The following FREM2 variants were observed in gnomAD, a reference collection of about 807,000 sequenced individuals.
FREM2 encodes FRAS1-related extracellular matrix protein 2.
A neutral mutation model predicts 219.9 loss-of-function variants in FREM2; 119 were observed. The observed-to-expected ratio is 0.54, with a 90% confidence interval of 0.47 to 0.63. FREM2 has a LOEUF of 0.63. Ranked by LOEUF, FREM2 falls within the 30% of genes least tolerant of loss-of-function variation. FREM2 has a pLI of 0.00. For synonymous variants in FREM2, 1,562 were observed against 1,522.8 expected, an observed-to-expected ratio of 1.03 and a Z score of -0.60; for missense variants, 4,030 against 3,993.6, an observed-to-expected ratio of 1.01 and a Z score of -0.25.
chr13:38,747,034 C>T (rs1352246360), intron 2 of FREM2, among the ~76,000 whole-genome samples: 4 of 152,106 alleles, frequency 2.6e-5, no homozygotes, highest in Non-Finnish European at 4.4e-5. Flanking sequence ...CCCAGTTTCC[C>T]TTGTTCTGAT....
In FREM2 at chr13:38,863,416, T is replaced by C. The variant is rs149527597; in HGVS notation, c.7652-859T>C. Among the ~76,000 whole-genome samples, 1,153 of 152,306 alleles carry C rather than the reference T, an allele frequency of 7.6e-3. 18 individuals are homozygous for C. Among genetic ancestry groups the C allele is most frequent in the African/African-American group, 0.027 (1,102 of 41,558 alleles). ...GAAGATCTCAAAGAGATTTTGTTTA[T>C]GTGGGTGATATCTATAAATATTTAT... On this transcript the variant is annotated intron_variant, in intron 15 of 23. Coordinates refer to ENST00000280481, the MANE Select transcript of FREM2 (RefSeq NM_207361.6).
chr13:38,828,933 T>C (rs9603441), intron 6 of FREM2, among the ~76,000 whole-genome samples: 40,668 of 151,990 alleles, frequency 0.27, 7,642 homozygotes, highest in African/African-American at 0.52. Flanking sequence ...CTTTTTCACA[T>C]ATGCAGGGTG....
chr13:38,787,624 G>A (rs2137834818), intron 6 of FREM2, among the ~76,000 whole-genome samples: 1 of 151,714 alleles, frequency 6.6e-6, no homozygotes, highest in South Asian at 2.1e-4. Flanking sequence ...AAGTAAGTGT[G>A]GTTTAATCTC....
intron 2 of FREM2, among the ~76,000 whole-genome samples, chr13:38,715,084 C>T (rs1023296411): frequency 3.3e-5 from 5 of 152,124 alleles, no homozygotes. Flanking sequence ...AAGAGTGAGA[C>T]TCTGTCCCAA....
chr13:38,778,143 C>T (rs904553148), intron 4 of FREM2, among the ~76,000 whole-genome samples: 1 of 152,136 alleles, frequency 6.6e-6, no homozygotes, highest in East Asian at 1.9e-4. Context: ...GAAAAGAAAA[C>T]CCTGGCCAGT....
At chr13:38,844,559 G>GT (rs1325718134) in intron 6 of FREM2, among the ~76,000 whole-genome samples, 2 of 152,162 alleles carry the variant, frequency 1.3e-5, no homozygotes, top group African/African-American at 2.4e-5. Context: ...CTTATTTGGT[G>GT]TTTAGCAGTT....
chr13:38,848,832 A>G (rs773999046), intron 8 of FREM2, among the ~76,000 whole-genome samples, 162 bp downstream of exon 8: 1 of 152,172 alleles, frequency 6.6e-6, no homozygotes, highest in African/African-American at 2.4e-5. Context: ...GAAATTTATT[A>G]TCTCATAGCT....
chr13:38,751,337 G>A (rs1024702787), intron 2 of FREM2, among the ~76,000 whole-genome samples: 7 of 151,956 alleles, frequency 4.6e-5, no homozygotes, highest in Non-Finnish European at 8.8e-5. Flanking sequence ...TTCTTAAAGC[G>A]TGGTGCAAAT....
intron 14 of FREM2, among the ~76,000 whole-genome samples, chr13:38,860,932 G>A (rs1877738908): frequency 6.6e-6 from 1 of 152,120 alleles, no homozygotes; most frequent in Admixed American, 6.5e-5. Flanking sequence ...GATTTTTAAG[G>A]AGACTTTAGT....
rs554609284 is a variant in FREM2 at position 38,698,887 on chromosome 13, A to G, written c.5263+1100A>G. ...AACAAAATGTGTTATGTTGGGTTCAACTGTTTGATTCCTACTATGAATCAG... is the reference window on the plus strand; with the variant it reads ...AACAAAATGTGTTATGTTGGGTTCAGCTGTTTGATTCCTACTATGAATCAG... On this transcript the variant is annotated intron_variant, in intron 2 of 23. Coordinates refer to ENST00000280481, the MANE Select transcript of FREM2 (RefSeq NM_207361.6). Among the ~76,000 whole-genome samples the G allele has an allele frequency of 1.2e-4, 19 of 152,334 alleles. No homozygotes were observed. In the East Asian group the frequency reaches 3.5e-3, roughly 28 times the overall value.
intron 15 of FREM2, among the ~76,000 whole-genome samples, chr13:38,863,521 C>T (rs563413293): frequency 6.7e-5 from 10 of 148,206 alleles, no homozygotes; most frequent in African/African-American, 2.5e-4. Context: ...TACATATTAA[C>T]ATGAAATACA....
At chr13:38,825,424 C>T (rs1174552894) in intron 6 of FREM2, among the ~76,000 whole-genome samples, 3 of 149,826 alleles carry the variant, frequency 2.0e-5, no homozygotes, top group Middle Eastern at 3.4e-3. Context: ...AAGAATAAAG[C>T]CTTATTTATT....
chr13:38,771,055 A>G (rs1471675820), intron 4 of FREM2, among the ~76,000 whole-genome samples: 4 of 152,224 alleles, frequency 2.6e-5, no homozygotes, highest in Admixed American at 6.5e-5. Flanking sequence ...TACAGAGTAC[A>G]TGAAATGGAG....
chr13:38,687,192 T>G lies in FREM2; in HGVS notation c.-153T>G. 9.1e-7 allele frequency: 1 copy of G among 1,099,566 alleles called. No individual in the cohort carries two copies. The allele number at this position is 1,099,566 out of a possible 1,614,324, so 68.1% of individuals were successfully genotyped here. On this transcript the variant is annotated 5_prime_UTR_variant, in exon 1 of 24. Transcript: ENST00000280481. Reference sequence around the variant, plus strand: ...CCAGCCCGGACGGCGCCGCGCAACTTTGCCATCCTTCTGGCCCAGCCCCGG... The same window carrying G: ...CCAGCCCGGACGGCGCCGCGCAACTGTGCCATCCTTCTGGCCCAGCCCCGG...
chr13:38,844,001 A>G (rs1208924704), intron 6 of FREM2, among the ~76,000 whole-genome samples: 1 of 152,068 alleles, frequency 6.6e-6, no homozygotes, highest in Non-Finnish European at 1.5e-5. Context: ...TTCAATCATT[A>G]TGAGTGGAGC....
intron 6 of FREM2, among the ~76,000 whole-genome samples, chr13:38,811,291 C>G (rs1432407700): frequency 6.6e-6 from 1 of 151,818 alleles, no homozygotes; most frequent in African/African-American, 2.4e-5. Flanking sequence ...TTATATTCTT[C>G]ATTTCAAATT....
intron 6 of FREM2, among the ~76,000 whole-genome samples, chr13:38,794,298 C>T (rs1593411598): frequency 6.6e-6 from 1 of 152,102 alleles, no homozygotes. Flanking sequence ...ACCATCCCAG[C>T]AAAGAAGGTG....
At chr13:38,877,766 A>G (rs1198297300) in intron 21 of FREM2, among the ~76,000 whole-genome samples, 1 of 152,202 alleles carries the variant, frequency 6.6e-6, no homozygotes, top group African/African-American at 2.4e-5. Context: ...TTTCTTTCTT[A>G]GTGTTATTCT....
rs114469792 is a variant in FREM2, at chr13:38,734,476, T to C, written c.5264-29828T>C. 7.2e-3 allele frequency among the ~76,000 whole-genome samples: 1,103 copies of C among 152,278 alleles called. 24 individuals carry two copies. Among genetic ancestry groups the C allele is most frequent in the African/African-American group, 0.026 (1,070 of 41,552 alleles). The stretch of plus-strand genomic sequence containing the variant: ...GTGATAAATTATTACTTGTACATAT[T>C]GTACAGCAGCAGTTCTCAGACTTTT... On this transcript the variant is annotated intron_variant, in intron 2 of 23. Transcript: ENST00000280481.
Sources: allele counts gnomAD v4.1 joint callset (sites outside exome capture counted in the v4.1 genomes callset), GRCh38; gene constraint gnomAD v4.1.1; transcripts MANE v1.5; gene names NCBI Gene and HGNC (gene_info 2026-07-23, HGNC 2026-07-21).